CNNM4: variants seen among roughly 807,000 people sequenced by gnomAD.
The protein encoded by CNNM4 is metal transporter CNNM4.
In CNNM4, 32 loss-of-function variants were observed where a neutral mutation model predicts 53.7. The observed-to-expected ratio is 0.60, with a 90% confidence interval of 0.45 to 0.80. The LOEUF is 0.80. Ranked by LOEUF, CNNM4 falls within the 30% of genes least tolerant of loss-of-function variation. The pLI, the probability that CNNM4 is intolerant of heterozygous loss-of-function variation, is 0.00. For synonymous variants in CNNM4, 410 were observed against 440.0 expected (o/e 0.93, Z 0.85); for missense variants, 784 against 1,022.0 (o/e 0.77, Z 3.17).
rs941673411 is a variant in CNNM4, at chr2:96,810,036, G to A, written c.*519G>A. 3 of 154,014 alleles carry A rather than the reference G, an allele frequency of 1.9e-5. No individual in the cohort carries two copies. The highest frequency in any genetic ancestry group is 7.2e-5 in the African/African-American group (3 of 41,422). 9.5% of individuals were successfully genotyped at this position (154,014 alleles called of 1,614,324 possible). A position where few individuals can be genotyped will look rare whatever the true frequency, so the allele number is the denominator to read the frequency against. Reference sequence around the variant, plus strand: ...AGAGCCTGCCAGTGGAGGCTTATCTGTTGGGAGGAAGACAGCTCTTCACAG... The same window carrying A: ...AGAGCCTGCCAGTGGAGGCTTATCTATTGGGAGGAAGACAGCTCTTCACAG... On this transcript the variant is annotated 3_prime_UTR_variant, in exon 7 of 7. Transcript: ENST00000377075. The surrounding 1 kb of genome is among the most constrained non-coding windows in gnomAD (Gnocchi z 4.1).
At chr2:96,782,870 C>T (rs898359891) in intron 1 of CNNM4, among the ~76,000 whole-genome samples, 6 of 152,152 alleles carry the variant, frequency 3.9e-5, no homozygotes, top group Admixed American at 6.6e-5. Flanking sequence ...AACAGAATTT[C>T]GGTTAAGTCT....
rs1157229344 is a variant in CNNM4 at position 96,801,558 on chromosome 2, G to C, written c.1948+1910G>C. Among the ~76,000 whole-genome samples the C allele has an allele frequency of 2.8e-5, 4 of 142,266 alleles. No homozygotes were observed. Among genetic ancestry groups the C allele is most frequent in the Non-Finnish European group, 4.5e-5 (3 of 66,124 alleles). 93.3% of individuals were successfully genotyped at this position (142,266 alleles called of 152,430 possible). On this transcript the variant is annotated intron_variant, in intron 5 of 6. Transcript: ENST00000377075. This position sits in a 1 kb window ranked among gnomAD's most constrained non-coding sequence, Gnocchi z 5.6. Reference sequence around the variant, plus strand: ...CACACAGAGAGACCACACACACACAGAGACCACACACAGAGATAGCACACA... The same window carrying C: ...CACACAGAGAGACCACACACACACACAGACCACACACAGAGATAGCACACA...
rs367780275 is a variant in CNNM4, at chr2:96,797,488, C to T, written c.1547-25C>T. On this transcript the variant is annotated intron_variant, in intron 2 of 6. Coordinates refer to ENST00000377075, the MANE Select transcript of CNNM4 (RefSeq NM_020184.4). This position sits in a 1 kb window ranked among gnomAD's most constrained non-coding sequence, Gnocchi z 6.0. Reference sequence around the variant, plus strand: ...CTAAGTCCTCAGGGGTCTGTGTTCTCAATTCCACGCTCTTCTTCCGGCAGC... The same window carrying T: ...CTAAGTCCTCAGGGGTCTGTGTTCTTAATTCCACGCTCTTCTTCCGGCAGC... The T allele has an allele frequency of 1.9e-6, 3 of 1,612,936 alleles. No individual in the cohort carries two copies. The highest frequency in any genetic ancestry group is 2.5e-6 in the Non-Finnish European group (3 of 1,180,024).
intron 1 of CNNM4, among the ~76,000 whole-genome samples, chr2:96,773,716 G>A (rs2078898703): frequency 6.6e-6 from 1 of 151,926 alleles, no homozygotes; most frequent in African/African-American, 2.4e-5. Flanking sequence ...GGTGGCGTGT[G>A]CCTGTAGTCC....
chr2:96,809,753 G>C lies in CNNM4; in HGVS notation c.*236G>C, dbSNP rs2153351870. On this transcript the variant is annotated 3_prime_UTR_variant, in exon 7 of 7. Coordinates refer to ENST00000377075, the MANE Select transcript of CNNM4 (RefSeq NM_020184.4). Reference sequence around the variant, plus strand: ...CAGTGGGCCAGCTACCGTAAGCAAAGGCTGTTTTTTACTGAGAGAATTTCT... The same window carrying C: ...CAGTGGGCCAGCTACCGTAAGCAAACGCTGTTTTTTACTGAGAGAATTTCT... 2.2e-6 allele frequency: 1 copy of C among 456,662 alleles called. No homozygotes were observed. The highest frequency in any genetic ancestry group is 3.9e-6 in the Non-Finnish European group (1 of 256,988). 28.3% of individuals were successfully genotyped at this position (456,662 alleles called of 1,614,324 possible). A position where few individuals can be genotyped will look rare whatever the true frequency, so the allele number is the denominator to read the frequency against.
intron 1 of CNNM4, among the ~76,000 whole-genome samples, chr2:96,774,902 A>C (rs1411749079): frequency 7.6e-6 from 1 of 131,668 alleles, no homozygotes; most frequent in Non-Finnish European, 1.6e-5. Flanking sequence ...TGGAAGTTGC[A>C]GTGAGCAGAG....
intron 1 of CNNM4, among the ~76,000 whole-genome samples, chr2:96,767,772 A>G (rs896927849): frequency 6.6e-6 from 1 of 152,102 alleles, no homozygotes; most frequent in African/African-American, 2.4e-5. Context: ...AAAGCTAGAA[A>G]TATTTTCATT....
At chr2:96,771,360 T>A (rs1291880398) in intron 1 of CNNM4, among the ~76,000 whole-genome samples, 1 of 151,876 alleles carries the variant, frequency 6.6e-6, no homozygotes, top group Non-Finnish European at 1.5e-5. Context: ...GAGATACATC[T>A]CATTGCTGGA....
Position 96,808,880 on chromosome 2 carries a change from G to T in CNNM4, c.2130+138G>T, listed in dbSNP as rs988296856. On this transcript the variant is annotated intron_variant, in intron 6 of 6. Coordinates refer to ENST00000377075, the MANE Select transcript of CNNM4 (RefSeq NM_020184.4). This position sits in a 1 kb window ranked among gnomAD's most constrained non-coding sequence, Gnocchi z 4.9. The stretch of plus-strand genomic sequence containing the variant: ...TCTGGAGATGGGGTCTTGCTCTGTC[G>T]CCCAGGCTGGAATGCAGTGGTGTGA... 4.5e-5 allele frequency: 40 copies of T among 897,246 alleles called. No individual in the cohort carries two copies. The Admixed American group carries it at 5.9e-4, about 13-fold the overall frequency. 55.6% of individuals were successfully genotyped at this position (897,246 alleles called of 1,614,324 possible).
intron 1 of CNNM4, among the ~76,000 whole-genome samples, chr2:96,773,711 C>T (rs1300925007): frequency 1.3e-5 from 2 of 151,876 alleles, no homozygotes; most frequent in African/African-American, 2.4e-5. Context: ...GATGCGGTGG[C>T]GTGTGCCTGT....
intron 1 of CNNM4, among the ~76,000 whole-genome samples, chr2:96,765,024 G>GATTT (rs2078801708): frequency 1.7e-4 from 7 of 41,518 alleles, no homozygotes; most frequent in African/African-American, 6.2e-4. Context: ...GTTGGGAATG[G>GATTT]TTTTTTTTTT....
chr2:96,775,365 C>T (rs1323809840), intron 1 of CNNM4, among the ~76,000 whole-genome samples: 1 of 152,144 alleles, frequency 6.6e-6, no homozygotes, highest in Non-Finnish European at 1.5e-5. Flanking sequence ...AGGGTCTGAG[C>T]TTCATCCATG....
At chr2:96,784,025 A>C (rs72809850) in intron 1 of CNNM4, among the ~76,000 whole-genome samples, 13,182 of 152,284 alleles carry the variant, frequency 0.087, 631 homozygotes, top group Middle Eastern at 0.16. Flanking sequence ...CAGGATTATA[A>C]GTGATCTTAG....
At chr2:96,804,960 C>T (rs1163306695) in intron 5 of CNNM4, among the ~76,000 whole-genome samples, 2 of 151,870 alleles carry the variant, frequency 1.3e-5, no homozygotes, top group African/African-American at 4.8e-5. Context: ...AGTTTCAAAC[C>T]AGCCGAGGTA....
chr2:96,779,790 A>C (rs1310051207), intron 1 of CNNM4, among the ~76,000 whole-genome samples: 4 of 151,416 alleles, frequency 2.6e-5, no homozygotes, highest in Non-Finnish European at 5.9e-5. Context: ...TCTACAGATC[A>C]ACTCAAAGAC....
chr2:96,780,556 G>A (rs978465661), intron 1 of CNNM4, among the ~76,000 whole-genome samples: 5 of 151,866 alleles, frequency 3.3e-5, no homozygotes, highest in African/African-American at 1.2e-4. Context: ...CACCATGTCC[G>A]GCCTCACTTG....
chr2:96,761,749 C>T lies in CNNM4; in HGVS notation c.750C>T (p.Asn250=), dbSNP rs746662702. The T allele has an allele frequency of 1.5e-5, 24 of 1,610,730 alleles. No homozygotes were observed. The South Asian group carries it at 2.4e-4, about 16-fold the overall frequency. ...NYLLCSLLLG[N]VLVNTSLTIL... ...TTCTCTGCTCGTTGCTCCTAGGGAA[C>T]GTGCTGGTCAACACCTCCCTCACAA... The change falls in exon 1 of 7, where the codon AAC becomes AAT. Residue 250 remains asparagine (N), a synonymous_variant. Coordinates refer to ENST00000377075, the MANE Select transcript of CNNM4 (RefSeq NM_020184.4). The surrounding 1 kb of genome is among the most constrained non-coding windows in gnomAD (Gnocchi z 6.0).
intron 1 of CNNM4, among the ~76,000 whole-genome samples, chr2:96,791,869 T>A (rs2079065048): frequency 6.6e-6 from 1 of 152,140 alleles, no homozygotes; most frequent in Non-Finnish European, 1.5e-5. Flanking sequence ...TTTTTCATAA[T>A]CAATAGTATT....
Position 96,809,526 on chromosome 2 carries a change from C to T in CNNM4, c.*9C>T. On this transcript the variant is annotated 3_prime_UTR_variant, in exon 7 of 7. Coordinates refer to ENST00000377075, the MANE Select transcript of CNNM4 (RefSeq NM_020184.4). ...ACGAGAATGCCATCTGACAGGAGGG[C>T]CCGGGGCCCCCTGCCCACCCTGCGG... is the stretch of plus-strand genomic sequence containing the variant. 1 of 1,614,018 alleles carries T rather than the reference C, an allele frequency of 6.2e-7. No homozygotes were observed. The highest frequency in any genetic ancestry group is 1.1e-5 in the South Asian group (1 of 91,070).
Sources: allele counts gnomAD v4.1 joint callset (sites outside exome capture counted in the v4.1 genomes callset), GRCh38; gene constraint gnomAD v4.1.1; non-coding constraint Gnocchi (gnomAD v3.1); transcripts MANE v1.5; gene names NCBI Gene and HGNC (gene_info 2026-07-23, HGNC 2026-07-21).